LRRC7: variants seen among roughly 807,000 people sequenced by gnomAD.
LRRC7 encodes the protein leucine rich repeat containing 7.
A neutral mutation model predicts 175.7 loss-of-function variants in LRRC7; 23 were observed. The ratio of observed to expected loss-of-function variants is 0.13; its 90% CI spans 0.09 to 0.19. The LOEUF (loss-of-function observed/expected upper bound fraction) is 0.19, where lower values mean the gene tolerates loss of function less well. LRRC7 is among the 10% of genes least tolerant of loss of function. The probability of loss-of-function intolerance (pLI) is 1.00; values close to 1 mark genes in which losing one functional copy is unlikely to be tolerated. For missense variants in LRRC7, 1,354 were observed against 1,904.7 expected (o/e 0.71, Z 5.38); for synonymous variants, 685 against 680.9 (o/e 1.01, Z -0.09).
At chr1:69,871,073 A>G (rs1270802878) in intron 7 of LRRC7, among the ~76,000 whole-genome samples, 1 of 136,796 alleles carries the variant, frequency 7.3e-6, no homozygotes, top group Non-Finnish European at 1.6e-5. Flanking sequence ...ATAATGTTAT[A>G]CCACAAATGA....
At chr1:69,715,700 C>T (rs67495773) in intron 2 of LRRC7, among the ~76,000 whole-genome samples, 30,974 of 151,662 alleles carry the variant, frequency 0.2, 3,488 homozygotes, top group East Asian at 0.31. Context: ...AAAATTTTAT[C>T]GATTCAGAAT....
At chr1:69,985,409 G>T (rs1428801670) in intron 9 of LRRC7, among the ~76,000 whole-genome samples, 2 of 152,140 alleles carry the variant, frequency 1.3e-5, no homozygotes, top group Non-Finnish European at 2.9e-5. Context: ...CAATGTCATT[G>T]TTTCAGTGGC....
chr1:69,848,775 G>A (rs940186059), intron 7 of LRRC7, among the ~76,000 whole-genome samples: 1 of 151,920 alleles, frequency 6.6e-6, no homozygotes, highest in African/African-American at 2.4e-5. Flanking sequence ...GCTATAGTTT[G>A]CCACAGTTTC....
chr1:69,815,310 A>T (rs1678457806), intron 4 of LRRC7, among the ~76,000 whole-genome samples: 1 of 152,204 alleles, frequency 6.6e-6, no homozygotes, highest in Non-Finnish European at 1.5e-5. Context: ...GAACATCTGA[A>T]AATATCTTTT....
intron 1 of LRRC7, among the ~76,000 whole-genome samples, chr1:69,626,747 C>T (rs901397551): frequency 1.6e-4 from 21 of 133,548 alleles, no homozygotes; most frequent in East Asian, 2.6e-4. Context: ...TGACAGGCCC[C>T]GGTGTGTGAT....
Position 69,717,927 on chromosome 1 carries a change from GAAAAGAAA to G in LRRC7, c.100+39450_100+39457del, listed in dbSNP as rs1332350795. ...GGAGGGAGAGAAAGAGAGAAAAAAA[GAAAAGAAA>G]GAAAGAAAGAAAGAAAGAAAGAAGA... On this transcript the variant is annotated intron_variant, in intron 2 of 26. Coordinates refer to ENST00000651989, the MANE Select transcript of LRRC7 (RefSeq NM_001370785.2). Among the ~76,000 whole-genome samples the G allele has an allele frequency of 8.8e-4, 8 of 9,102 alleles. 1 individual carries two copies. Among genetic ancestry groups the G allele is most frequent in the Admixed American group, 3.8e-3 (2 of 522 alleles). The allele number at this position is 9,102 out of a possible 152,430, so 6.0% of individuals were successfully genotyped here.
At chr1:70,018,490 T>A (rs1458907461) in intron 14 of LRRC7, among the ~76,000 whole-genome samples, 1 of 152,060 alleles carries the variant, frequency 6.6e-6, no homozygotes, top group Non-Finnish European at 1.5e-5. Flanking sequence ...TGAATAGGTT[T>A]TGATAAGTTT....
intron 1 of LRRC7, among the ~76,000 whole-genome samples, chr1:69,578,781 G>T (rs1173130250): frequency 7.9e-6 from 1 of 127,190 alleles, no homozygotes; most frequent in African/African-American, 3.0e-5. Flanking sequence ...ATCACACTCT[G>T]GGGACTGTTG....
intron 11 of LRRC7, among the ~76,000 whole-genome samples, chr1:70,009,819 G>A (rs1477760396): frequency 6.6e-6 from 1 of 152,216 alleles, no homozygotes; most frequent in African/African-American, 2.4e-5. Flanking sequence ...AGGTGATGAA[G>A]TTTGAATGAC....
At chr1:69,697,022 A>G (rs1005578703) in intron 2 of LRRC7, among the ~76,000 whole-genome samples, 14 of 152,286 alleles carry the variant, frequency 9.2e-5, no homozygotes, top group African/African-American at 2.6e-4. Flanking sequence ...TTTAAGATCA[A>G]TCAGATCTGG....
chr1:70,034,889 G>T (rs1231366771), intron 18 of LRRC7, among the ~76,000 whole-genome samples: 1 of 152,118 alleles, frequency 6.6e-6, no homozygotes, highest in Admixed American at 6.6e-5. Context: ...CCAAAAGATA[G>T]AACTTAAACC....
intron 26 of LRRC7, among the ~76,000 whole-genome samples, chr1:70,108,604 G>T (rs1193911655): frequency 6.6e-6 from 1 of 152,034 alleles, no homozygotes; most frequent in Non-Finnish European, 1.5e-5. Flanking sequence ...TCAGTATTTT[G>T]ACTTAGAACC....
At chr1:69,760,516 G>T in intron 3 of LRRC7, 123 bp downstream of exon 3, 3 of 775,676 alleles carry the variant, frequency 3.9e-6, no homozygotes, top group Non-Finnish European at 6.3e-6. Flanking sequence ...CATTGAAATT[G>T]ATATAACTTC....
At chr1:69,962,312 T>C (rs12035146) in intron 8 of LRRC7, among the ~76,000 whole-genome samples, 8,509 of 152,234 alleles carry the variant, frequency 0.056, 232 homozygotes, top group South Asian at 0.1. Context: ...ATGGCTATTA[T>C]TTAAAAGTCA....
At chr1:69,752,557 T>C (rs1669952367) in intron 2 of LRRC7, among the ~76,000 whole-genome samples, 1 of 152,142 alleles carries the variant, frequency 6.6e-6, no homozygotes, top group African/African-American at 2.4e-5. Flanking sequence ...TGAAATTATC[T>C]TTGGTTTAAA....
intron 8 of LRRC7, among the ~76,000 whole-genome samples, chr1:69,945,324 T>C (rs1220407451): frequency 6.6e-6 from 1 of 152,100 alleles, no homozygotes; most frequent in Non-Finnish European, 1.5e-5. Flanking sequence ...AAATGTGGTT[T>C]TATTTCTGGG....
intron 16 of LRRC7, among the ~76,000 whole-genome samples, chr1:70,022,598 G>A (rs954542567): frequency 6.6e-6 from 1 of 152,006 alleles, no homozygotes; most frequent in African/African-American, 2.4e-5. Context: ...GTTTATTTAT[G>A]TATTAATGAA....
intron 4 of LRRC7, among the ~76,000 whole-genome samples, chr1:69,814,770 T>C (rs562056977): frequency 1.3e-5 from 2 of 152,142 alleles, no homozygotes; most frequent in South Asian, 4.1e-4. Context: ...GTAACCTACT[T>C]TTCTAAATGT....
chr1:69,702,962 A>G (rs1663557156), intron 2 of LRRC7, among the ~76,000 whole-genome samples: 1 of 152,042 alleles, frequency 6.6e-6, no homozygotes, highest in African/African-American at 2.4e-5. Flanking sequence ...CCTAGGATCA[A>G]TTGCAGTGTT....
Sources: gnomAD v4.1 joint callset for allele counts (sites outside exome capture counted in the v4.1 genomes callset) on GRCh38, gnomAD v4.1.1 for gene constraint, MANE v1.5 for transcripts, NCBI Gene and HGNC (gene_info 2026-07-23, HGNC 2026-07-21) for gene names.